The following GPR176 variants were observed in gnomAD, a reference collection of about 807,000 sequenced individuals.
GPR176 encodes G protein-coupled receptor 176.
A neutral mutation model predicts 35.4 loss-of-function variants in GPR176; 26 were observed. That is an observed-to-expected ratio of 0.74 (90% confidence interval 0.54 to 1.02). GPR176 has a LOEUF of 1.02. Ranked by LOEUF, GPR176 falls within the 50% of genes least tolerant of loss-of-function variation. The pLI, the probability that GPR176 is intolerant of heterozygous loss-of-function variation, is 0.00. For synonymous variants in GPR176, 278 were observed against 271.3 expected, an observed-to-expected ratio of 1.02 and a Z score of -0.24; for missense variants, 597 against 665.3, an observed-to-expected ratio of 0.90 and a Z score of 1.13.
chr15:39,854,920 G>T (rs2031111183), intron 1 of GPR176, among the ~76,000 whole-genome samples: 1 of 152,084 alleles, frequency 6.6e-6, no homozygotes, highest in Non-Finnish European at 1.5e-5. Context: ...GTGTGGTGGT[G>T]CACACCGGTG....
chr15:39,838,541 T>C (rs1030761908), intron 1 of GPR176, among the ~76,000 whole-genome samples: 1 of 152,156 alleles, frequency 6.6e-6, no homozygotes. Context: ...TTCAAATCAA[T>C]AAACATAACC....
chr15:39,810,949 T>A (rs575548451), intron 1 of GPR176, among the ~76,000 whole-genome samples: 1 of 152,344 alleles, frequency 6.6e-6, no homozygotes, highest in African/African-American at 2.4e-5. Context: ...TTTGCTTCAG[T>A]TTGCAGTCCA....
chr15:39,875,038 A>C (rs1460468790), intron 1 of GPR176, among the ~76,000 whole-genome samples: 2 of 152,194 alleles, frequency 1.3e-5, no homozygotes, highest in Admixed American at 1.3e-4. Flanking sequence ...GCGAAACTCC[A>C]TCTCAAAAAC....
chr15:39,805,993 A>T (rs1364959463), intron 2 of GPR176, among the ~76,000 whole-genome samples: 1 of 152,034 alleles, frequency 6.6e-6, no homozygotes. Context: ...GCTTCGTGTG[A>T]CTCTGTGTCC....
chr15:39,832,689 A>ACACACACAC (rs3065169), intron 1 of GPR176, among the ~76,000 whole-genome samples: 14 of 151,408 alleles, frequency 9.2e-5, no homozygotes, highest in South Asian at 6.3e-4. Context: ...ACACACACAC[A>ACACACACAC]AATCTTATAA....
At chr15:39,830,393 G>A (rs951555439) in intron 1 of GPR176, among the ~76,000 whole-genome samples, 29 of 152,328 alleles carry the variant, frequency 1.9e-4, no homozygotes, top group African/African-American at 7.0e-4. Flanking sequence ...TATATGGGAA[G>A]AGGAAGGAGG....
chr15:39,915,075 T>C (rs1055329676), intron 1 of GPR176, among the ~76,000 whole-genome samples: 2 of 152,226 alleles, frequency 1.3e-5, no homozygotes, highest in African/African-American at 4.8e-5. Flanking sequence ...AAGTTGGATC[T>C]TTACTTGGGG....
chr15:39,873,284 A>G (rs2032117336), intron 1 of GPR176, among the ~76,000 whole-genome samples: 1 of 152,170 alleles, frequency 6.6e-6, no homozygotes, highest in Admixed American at 6.5e-5. Flanking sequence ...CAGGTTCTTA[A>G]GTCAAGTTTG....
intron 1 of GPR176, among the ~76,000 whole-genome samples, chr15:39,905,021 C>T (rs1165604005): frequency 2.0e-5 from 3 of 152,150 alleles, no homozygotes; most frequent in Admixed American, 1.3e-4. Flanking sequence ...CTCCCTCCTC[C>T]AGCCCCTACA....
At chr15:39,844,800 C>T in intron 1 of GPR176, among the ~76,000 whole-genome samples, 1 of 152,110 alleles carries the variant, frequency 6.6e-6, no homozygotes, top group Admixed American at 6.6e-5. Flanking sequence ...TCAACCTCTT[C>T]CCTCCTGACA....
chr15:39,811,688 G>A (rs1196363082), intron 1 of GPR176, among the ~76,000 whole-genome samples: 4 of 152,036 alleles, frequency 2.6e-5, no homozygotes, highest in South Asian at 2.1e-4. Context: ...AGGCCAAGGC[G>A]GGCAGATCAC....
chr15:39,916,877 T>A (rs1020370543), intron 1 of GPR176, among the ~76,000 whole-genome samples: 1 of 152,242 alleles, frequency 6.6e-6, no homozygotes, highest in Non-Finnish European at 1.5e-5. Context: ...TGCTTCTGAC[T>A]GCACATGGCT....
At chr15:39,850,862 A>G (rs1037228789) in intron 1 of GPR176, among the ~76,000 whole-genome samples, 5 of 152,146 alleles carry the variant, frequency 3.3e-5, no homozygotes, top group African/African-American at 1.2e-4. Flanking sequence ...TAAAAAAACA[A>G]AAAAACAAAA....
intron 1 of GPR176, among the ~76,000 whole-genome samples, chr15:39,825,491 A>G (rs957301302): frequency 6.6e-6 from 1 of 152,012 alleles, no homozygotes; most frequent in African/African-American, 2.4e-5. Context: ...TGGTATTATT[A>G]TTTTGTAAAA....
At chr15:39,821,046 A>G (rs1323207176) in intron 1 of GPR176, among the ~76,000 whole-genome samples, 1 of 152,228 alleles carries the variant, frequency 6.6e-6, no homozygotes, top group Admixed American at 6.5e-5. Context: ...TGATGGCCAC[A>G]GTGACACAGA....
At chr15:39,822,489 TGATC>T (rs1006574158) in intron 1 of GPR176, among the ~76,000 whole-genome samples, 3 of 152,230 alleles carry the variant, frequency 2.0e-5, no homozygotes, top group Admixed American at 6.5e-5. Flanking sequence ...TTTATTTTGC[TGATC>T]ATCATGAAAC....
intron 1 of GPR176, among the ~76,000 whole-genome samples, chr15:39,808,910 C>G (rs1487223797): frequency 6.6e-6 from 1 of 152,170 alleles, no homozygotes; most frequent in African/African-American, 2.4e-5. Flanking sequence ...AAGTATGAAA[C>G]TGGGAACCTG....
intron 1 of GPR176, among the ~76,000 whole-genome samples, chr15:39,811,312 C>G (rs774516630): frequency 6.6e-6 from 1 of 152,058 alleles, no homozygotes; most frequent in African/African-American, 2.4e-5. Context: ...TACAGATGCA[C>G]GCCACTCTAC....
rs79592792 is a variant in GPR176, at chr15:39,907,727, T to A, written c.172+12128A>T. Among the ~76,000 whole-genome samples the A allele has an allele frequency of 3.0e-3, 452 of 152,324 alleles. 5 individuals carry two copies. In the East Asian group the frequency reaches 0.033, roughly 11 times the overall value. ...GGGCTACATCGAACAGTGCCAATAT[T>A]TCCCTTTTCTAACACAGCTAGATTT... On this transcript the variant is annotated intron_variant, in intron 1 of 2. Transcript: ENST00000561100.
Sources: gnomAD v4.1 joint callset for allele counts (sites outside exome capture counted in the v4.1 genomes callset) on GRCh38, gnomAD v4.1.1 for gene constraint, MANE v1.5 for transcripts, NCBI Gene and HGNC (gene_info 2026-07-23, HGNC 2026-07-21) for gene names.